AKAP11: variants seen among roughly 807,000 people sequenced by gnomAD.
AKAP11 encodes A-kinase anchoring protein 11.
A neutral mutation model predicts 146.1 loss-of-function variants in AKAP11; 36 were observed. That is an observed-to-expected ratio of 0.25 (90% CI 0.19 to 0.33). The LOEUF is 0.33. Ranked by LOEUF, AKAP11 falls within the 10% of genes least tolerant of loss-of-function variation. AKAP11 has a pLI of 1.00. For missense variants in AKAP11, 2,201 were observed against 2,197.0 expected, an observed-to-expected ratio of 1.00 and a Z score of -0.04; for synonymous variants, 780 against 786.5, an observed-to-expected ratio of 0.99 and a Z score of 0.14.
chr13:42,306,991 T>C (rs1377756217), intron 8 of AKAP11, among the ~76,000 whole-genome samples: 1 of 152,182 alleles, frequency 6.6e-6, no homozygotes. Flanking sequence ...TGGCTGATAG[T>C]GCATTTTTAG....
At chr13:42,294,367 C>T (rs1959378647) in intron 4 of AKAP11, among the ~76,000 whole-genome samples, 1 of 151,972 alleles carries the variant, frequency 6.6e-6, no homozygotes, top group South Asian at 2.1e-4. Flanking sequence ...AAAAGTAACA[C>T]TTTTTCAGGT....
chr13:42,316,213 T>G (rs1960814670), intron 11 of AKAP11, among the ~76,000 whole-genome samples: 1 of 152,202 alleles, frequency 6.6e-6, no homozygotes, highest in South Asian at 2.1e-4. Flanking sequence ...ACACAACTCC[T>G]AAAAATAATT....
chr13:42,284,718 A>T (rs1959132697), intron 1 of AKAP11, among the ~76,000 whole-genome samples: 2 of 152,242 alleles, frequency 1.3e-5, no homozygotes, highest in African/African-American at 4.8e-5. Flanking sequence ...TATCATATAC[A>T]TTGAGGAAAA....
In AKAP11 at chr13:42,298,182, A is replaced by G. The variant is rs536255170; in HGVS notation, c.352-351A>G. ...AGAACTTGGTTGCTGCCCCCAAACAATTTATAATAGTTAGTGAGATAGGTG... is the reference window on the plus strand; with the variant it reads ...AGAACTTGGTTGCTGCCCCCAAACAGTTTATAATAGTTAGTGAGATAGGTG... On this transcript the variant is annotated intron_variant, in intron 6 of 12. Transcript: ENST00000025301. Among the ~76,000 whole-genome samples the G allele has an allele frequency of 1.5e-4, 23 of 152,200 alleles. 1 individual carries two copies. In the South Asian group the frequency reaches 3.3e-3, roughly 22 times the overall value.
rs757991861 is a variant in AKAP11 at position 42,319,156 on chromosome 13, TGAAGTGATG to T, written c.5638_5646del (p.Val1880_Glu1882del). The T allele has an allele frequency of 6.2e-7, 1 of 1,614,088 alleles. No individual in the cohort carries two copies. The highest frequency in any genetic ancestry group is 1.3e-5 in the African/African-American group (1 of 75,050). On this transcript the variant is annotated inframe_deletion, in exon 13 of 13. Coordinates refer to ENST00000025301, the MANE Select transcript of AKAP11 (RefSeq NM_016248.4). The stretch of plus-strand genomic sequence containing the variant: ...TCCTGCAGGCTGTGCTTCAATACTA[TGAAGTGATG>T]GAAAAAGCTTCCAGTGAGGAGAGAT...
At chr13:42,308,411 G>C (rs767368256) in intron 8 of AKAP11, 43 bp from the exon 9 acceptor site, 1 of 1,477,696 alleles carries the variant, frequency 6.8e-7, no homozygotes, top group Non-Finnish European at 9.2e-7. Flanking sequence ...CAGAATCTGG[G>C]ATGCTTTCAA....
At chr13:42,276,515 G>C (rs1263271678) in intron 1 of AKAP11, among the ~76,000 whole-genome samples, 1 of 152,088 alleles carries the variant, frequency 6.6e-6, no homozygotes, top group Non-Finnish European at 1.5e-5. Context: ...CAATGTGCTG[G>C]GATTACAGGT....
chr13:42,281,684 T>C (rs1161506292), intron 1 of AKAP11, among the ~76,000 whole-genome samples: 3 of 152,130 alleles, frequency 2.0e-5, no homozygotes, highest in Non-Finnish European at 2.9e-5. Flanking sequence ...AACCAATGTC[T>C]GTACTCATCT....
At chr13:42,315,431 T>C (rs1226828719) in intron 11 of AKAP11, among the ~76,000 whole-genome samples, 2 of 152,222 alleles carry the variant, frequency 1.3e-5, no homozygotes, top group African/African-American at 2.4e-5. Context: ...GTGTTGACTT[T>C]GTTTATAAAA....
rs1959707286 is a variant in AKAP11 at position 42,299,343 on chromosome 13, A to G, written c.617-20A>G. 1 of 1,565,020 alleles carries G rather than the reference A, an allele frequency of 6.4e-7. No individual in the cohort carries two copies. Among genetic ancestry groups the G allele is most frequent in the Non-Finnish European group, 8.6e-7 (1 of 1,160,290 alleles). ...AGTTTTGTTCAAAAATAATTTCACC[A>G]TTTCATTCTTTTCCTATAGGAATGA... is the stretch of plus-strand genomic sequence containing the variant. On this transcript the variant is annotated intron_variant, in intron 7 of 12. Coordinates refer to ENST00000025301, the MANE Select transcript of AKAP11 (RefSeq NM_016248.4).
chr13:42,319,073 ATCTT>A lies in AKAP11; in HGVS notation c.5566-6_5566-3del. On this transcript the variant is annotated splice_polypyrimidine_tract_variant and intron_variant, in intron 12 of 12. Transcript: ENST00000025301. ...ATTGTTTTTGGTTAATGTTTGACAC[ATCTT>A]TCTTTCTTAGCTTTCAAAACAATTA... 1 of 1,610,934 alleles carries A rather than the reference ATCTT, an allele frequency of 6.2e-7. No homozygotes were observed. The highest frequency in any genetic ancestry group is 1.1e-5 in the South Asian group (1 of 89,890).
intron 10 of AKAP11, 47 bp downstream of exon 10, chr13:42,313,177 A>G: frequency 7.3e-7 from 1 of 1,362,314 alleles, no homozygotes; most frequent in Non-Finnish European, 1.0e-6. Flanking sequence ...TGTCACCACT[A>G]ATGCATGATG....
At chr13:42,294,268 G>T (rs2138535404) in intron 4 of AKAP11, among the ~76,000 whole-genome samples, 1 of 152,262 alleles carries the variant, frequency 6.6e-6, no homozygotes. Context: ...TTTAGCCACA[G>T]TGGTTGCTTA....
At chr13:42,276,560 T>C (rs1958923832) in intron 1 of AKAP11, among the ~76,000 whole-genome samples, 3 of 152,244 alleles carry the variant, frequency 2.0e-5, no homozygotes, top group Non-Finnish European at 4.4e-5. Context: ...TGGATATTCC[T>C]ATGTTGATAT....
chr13:42,279,855 G>A (rs4942105), intron 1 of AKAP11, among the ~76,000 whole-genome samples: 131,612 of 152,128 alleles, frequency 0.87, 57,084 homozygotes, highest in Admixed American at 0.91. Context: ...AATCTGTTGG[G>A]TTGTTTCAGG....
chr13:42,307,258 A>G (rs893129476), intron 8 of AKAP11, among the ~76,000 whole-genome samples: 2 of 152,182 alleles, frequency 1.3e-5, no homozygotes, highest in Non-Finnish European at 2.9e-5. Flanking sequence ...ATGGGGGGCA[A>G]TTCAGGGGCT....
chr13:42,296,983 CATT>C, intron 5 of AKAP11, 62 bp from the exon 6 acceptor site: 1 of 1,452,554 alleles, frequency 6.9e-7, no homozygotes, highest in Non-Finnish European at 9.2e-7. Flanking sequence ...ATAGGGTCCA[CATT>C]ATAGGAACCT....
At chr13:42,311,097 G>T (rs1960539327) in intron 9 of AKAP11, among the ~76,000 whole-genome samples, 1 of 151,984 alleles carries the variant, frequency 6.6e-6, no homozygotes. Flanking sequence ...TAAGGGATGG[G>T]GCCAGATTTG....
At chr13:42,273,642 A>T (rs1958836435) in intron 1 of AKAP11, among the ~76,000 whole-genome samples, 1 of 152,164 alleles carries the variant, frequency 6.6e-6, no homozygotes, top group Non-Finnish European at 1.5e-5. Context: ...GATATTTTGC[A>T]GTTGTTGAGG....
Sources: allele counts gnomAD v4.1 joint callset (sites outside exome capture counted in the v4.1 genomes callset), GRCh38; gene constraint gnomAD v4.1.1; transcripts MANE v1.5; gene names NCBI Gene and HGNC (gene_info 2026-07-23, HGNC 2026-07-21).